METTL15: variants seen among roughly 807,000 people sequenced by gnomAD.
METTL15 encodes the protein 12S rRNA N(4)-cytidine methyltransferase METTL15.
Under a neutral mutation model 38.3 loss-of-function variants are expected in METTL15, and 34 were observed. That is an observed-to-expected ratio of 0.89 (90% CI 0.68 to 1.18). The LOEUF (loss-of-function observed/expected upper bound fraction) is 1.18, where lower values mean the gene tolerates loss of function less well. Ranked by LOEUF, METTL15 falls within the 50% of genes most tolerant of loss-of-function variation. The probability of loss-of-function intolerance (pLI) is 0.00; values close to 1 mark genes in which losing one functional copy is unlikely to be tolerated. For missense variants in METTL15, 438 were observed against 498.4 expected, an observed-to-expected ratio of 0.88 and a Z score of 1.15; for synonymous variants, 162 against 170.9, an observed-to-expected ratio of 0.95 and a Z score of 0.41.
chr11:28,208,922 C>A (rs1025175936), intron 3 of METTL15, among the ~76,000 whole-genome samples: 1 of 151,874 alleles, frequency 6.6e-6, no homozygotes, highest in Non-Finnish European at 1.5e-5. Context: ...GTTGATGGCT[C>A]CAATCACGTA....
intron 6 of METTL15, among the ~76,000 whole-genome samples, chr11:28,506,558 T>TA (rs1372570085): frequency 1.3e-5 from 2 of 152,168 alleles, no homozygotes; most frequent in African/African-American, 2.4e-5. Flanking sequence ...ATTCAATATT[T>TA]ATGCCTAACC....
chr11:28,339,776 A>T (rs1285883085), intron 3 of METTL15, among the ~76,000 whole-genome samples: 1 of 152,160 alleles, frequency 6.6e-6, no homozygotes, highest in Non-Finnish European at 1.5e-5. Context: ...AAGTTGAAGA[A>T]AAAAAGTCCT....
intron 3 of METTL15, among the ~76,000 whole-genome samples, chr11:28,180,097 C>G (rs1851228488): frequency 1.3e-5 from 2 of 151,816 alleles, no homozygotes; most frequent in Non-Finnish European, 2.9e-5. Flanking sequence ...TATAATCCTA[C>G]TCAGTTGTTA....
chr11:28,205,916 T>G (rs1324267757), intron 3 of METTL15, among the ~76,000 whole-genome samples: 3 of 149,972 alleles, frequency 2.0e-5, no homozygotes, highest in African/African-American at 7.5e-5. Flanking sequence ...TTTTGAGAAG[T>G]GTCTGCTCAT....
At chr11:28,201,249 T>C (rs1472409728) in intron 3 of METTL15, among the ~76,000 whole-genome samples, 2 of 152,134 alleles carry the variant, frequency 1.3e-5, no homozygotes, top group African/African-American at 4.8e-5. Flanking sequence ...GCCAACTTGA[T>C]CATGGTGGAG....
intron 6 of METTL15, among the ~76,000 whole-genome samples, chr11:28,314,295 T>G (rs1254881698): frequency 6.6e-6 from 1 of 152,218 alleles, no homozygotes; most frequent in Non-Finnish European, 1.5e-5. Context: ...AGTGTTCTAT[T>G]GCAGGTAAGT....
At position 28,361,120 on chromosome 11, in the gene METTL15, A is replaced by G. The variant is rs565037148; in HGVS notation, c.*259-817A>G. ...TTGTGAATAGTGCCGCAATAAACAT[A>G]CGTGTGCATGTGTCTTTATAGCAGC... On this transcript the variant is annotated intron_variant and NMD_transcript_variant, in intron 4 of 7. Transcript: ENST00000532947. Among the ~76,000 whole-genome samples the G allele has an allele frequency of 3.1e-3, 473 of 151,340 alleles. 5 individuals are homozygous for G. Among genetic ancestry groups the G allele is most frequent in the African/African-American group, 0.011 (436 of 41,166 alleles).
intron 6 of METTL15, among the ~76,000 whole-genome samples, chr11:28,518,726 A>G (rs1377111260): frequency 6.6e-6 from 1 of 152,212 alleles, no homozygotes; most frequent in African/African-American, 2.4e-5. Context: ...TGAAAACTGA[A>G]TTAGAAATCC....
chr11:28,161,680 A>G (rs1850470684), intron 3 of METTL15, among the ~76,000 whole-genome samples: 1 of 152,170 alleles, frequency 6.6e-6, no homozygotes, highest in Non-Finnish European at 1.5e-5. Flanking sequence ...AAAGGGTGAT[A>G]TAATGAAAAT....
intron 6 of METTL15, among the ~76,000 whole-genome samples, chr11:28,487,182 A>G (rs1851446105): frequency 6.6e-6 from 1 of 152,178 alleles, no homozygotes; most frequent in Non-Finnish European, 1.5e-5. Context: ...ATACCTTCTG[A>G]AACAAGCACA....
chr11:28,277,761 C>G (rs1411827283), intron 4 of METTL15, among the ~76,000 whole-genome samples: 6 of 151,934 alleles, frequency 3.9e-5, no homozygotes, highest in Non-Finnish European at 7.4e-5. Context: ...ATGGATGGAA[C>G]TAGAGGTCCT....
At chr11:28,147,950 T>G (rs1157316355) in intron 3 of METTL15, among the ~76,000 whole-genome samples, 1 of 151,864 alleles carries the variant, frequency 6.6e-6, no homozygotes, top group African/African-American at 2.4e-5. Context: ...GTTACTTGGT[T>G]TTTTACCTAC....
intron 6 of METTL15, among the ~76,000 whole-genome samples, chr11:28,438,003 C>T (rs929435073): frequency 3.7e-4 from 45 of 121,654 alleles, no homozygotes; most frequent in Middle Eastern, 4.1e-3. Context: ...TAAATATTTA[C>T]TGAATAAAAA....
At chr11:28,121,740 T>G (rs898650368) in intron 3 of METTL15, among the ~76,000 whole-genome samples, 11 of 152,180 alleles carry the variant, frequency 7.2e-5, no homozygotes, top group African/African-American at 2.6e-4. Context: ...ATATTGAAGA[T>G]TTTTTCTATG....
intron 6 of METTL15, among the ~76,000 whole-genome samples, chr11:28,437,480 G>A (rs1447762678): frequency 2.6e-5 from 4 of 152,168 alleles, no homozygotes; most frequent in Non-Finnish European, 5.9e-5. Context: ...CAACTGGTCA[G>A]ATGTTTTTCT....
chr11:28,150,765 C>G (rs1850055024), intron 3 of METTL15, among the ~76,000 whole-genome samples: 1 of 151,714 alleles, frequency 6.6e-6, no homozygotes, highest in African/African-American at 2.4e-5. Context: ...TCATTGCTGC[C>G]TTTTCAAGAG....
chr11:28,156,882 A>AG (rs1243232740), intron 3 of METTL15, among the ~76,000 whole-genome samples: 1 of 152,224 alleles, frequency 6.6e-6, no homozygotes, highest in African/African-American at 2.4e-5. Context: ...ATAAAGGCAC[A>AG]GAAAAATATC....
intron 6 of METTL15, among the ~76,000 whole-genome samples, chr11:28,477,052 A>C (rs900440335): frequency 1.3e-5 from 2 of 152,212 alleles, no homozygotes; most frequent in African/African-American, 2.4e-5. Flanking sequence ...AGGGTAGCAT[A>C]GTGCTTAGCC....
intron 6 of METTL15, among the ~76,000 whole-genome samples, chr11:28,318,015 AT>A (rs1324665624): frequency 6.6e-6 from 1 of 152,172 alleles, no homozygotes; most frequent in Non-Finnish European, 1.5e-5. Context: ...CCAACTCCCA[AT>A]TTGCGTTTAC....
Sources: allele counts gnomAD v4.1 joint callset (sites outside exome capture counted in the v4.1 genomes callset), GRCh38; gene constraint gnomAD v4.1.1; transcripts MANE v1.5; gene names NCBI Gene and HGNC (gene_info 2026-07-23, HGNC 2026-07-21).